Variants in CRACR2A observed in about 807,000 individuals in gnomAD.
The protein encoded by CRACR2A is calcium release activated channel regulator 2A.
Under a neutral mutation model 90.5 loss-of-function variants are expected in CRACR2A, and 79 were observed. That is an observed-to-expected ratio of 0.87 (90% CI 0.73 to 1.05). The LOEUF (loss-of-function observed/expected upper bound fraction) is 1.05. Ranked by LOEUF, CRACR2A falls within the 50% of genes least tolerant of loss-of-function variation. The probability of loss-of-function intolerance (pLI) is 0.00; values close to 1 mark genes in which losing one functional copy is unlikely to be tolerated. For synonymous variants in CRACR2A, 338 were observed against 356.7 expected, an observed-to-expected ratio of 0.95 and a Z score of 0.59; for missense variants, 823 against 897.2, an observed-to-expected ratio of 0.92 and a Z score of 1.06.
At chr12:3,622,906 GAAAAAAA>G (rs200573994) in intron 17 of CRACR2A, among the ~76,000 whole-genome samples, 1 of 151,308 alleles carries the variant, frequency 6.6e-6, no homozygotes, top group Non-Finnish European at 1.5e-5. Context: ...GGAACGTGGA[GAAAAAAA>G]AATCAAACTG....
intron 1 of CRACR2A, among the ~76,000 whole-genome samples, chr12:3,741,841 A>C (rs1565509841): frequency 6.6e-6 from 1 of 152,232 alleles, no homozygotes; most frequent in Non-Finnish European, 1.5e-5. Context: ...CCACAAAAAG[A>C]AAACACATCC....
intron 2 of CRACR2A, chr12:3,727,461 G>A (rs1946289824): frequency 6.6e-6 from 1 of 152,210 alleles, no homozygotes. Context: ...GCTGGATGAA[G>A]TCTCAGATTT....
intron 4 of CRACR2A, among the ~76,000 whole-genome samples, chr12:3,682,301 C>T (rs894436317): frequency 2.0e-5 from 3 of 152,168 alleles, no homozygotes; most frequent in African/African-American, 7.2e-5. Context: ...CAGAGATCAA[C>T]GGGACCCTCA....
rs1380104871 is a variant in CRACR2A at position 3,656,246 on chromosome 12, G to A, written c.858+65C>T. The A allele has an allele frequency of 1.1e-5, 17 of 1,504,464 alleles. No homozygotes were observed. In the East Asian group the frequency reaches 3.8e-4, roughly 34 times the overall value. 93.2% of individuals were successfully genotyped at this position (1,504,464 alleles called of 1,614,324 possible). On this transcript the variant is annotated intron_variant, in intron 9 of 19. Transcript: ENST00000440314. ...CTTAAGTGAATGGCAGGGAAAGTGG[G>A]CAAGAGGCAGAGAAAAGGAGAGAGT...
intron 1 of CRACR2A, among the ~76,000 whole-genome samples, chr12:3,736,055 G>T (rs1451912226): frequency 6.6e-6 from 1 of 152,064 alleles, no homozygotes; most frequent in Admixed American, 6.6e-5. Context: ...AGGGAGAAAG[G>T]TATGGGGTGA....
chr12:3,621,097 G>A lies in CRACR2A; in HGVS notation c.1933-1725C>T, dbSNP rs141790825. ...CTTGCTGTTTAGAGCACATGGGAGA[G>A]AGATATTTGTAGATTTATGTGTGAG... On this transcript the variant is annotated intron_variant, in intron 17 of 19. Transcript: ENST00000440314. Among the ~76,000 whole-genome samples the A allele has an allele frequency of 2.5e-3, 382 of 152,362 alleles. 2 individuals carry two copies. The highest frequency in any genetic ancestry group is 0.016 in the South Asian group (76 of 4,830).
intron 9 of CRACR2A, among the ~76,000 whole-genome samples, chr12:3,655,211 A>G (rs1051102494): frequency 6.6e-6 from 1 of 152,238 alleles, no homozygotes; most frequent in Non-Finnish European, 1.5e-5. Flanking sequence ...AGCATGCAGT[A>G]ATTAAATCGA....
intron 11 of CRACR2A, chr12:3,648,340 G>A (rs1944727981): frequency 6.8e-7 from 1 of 1,479,398 alleles, no homozygotes; most frequent in Non-Finnish European, 8.9e-7. Flanking sequence ...AACTGGATGT[G>A]GGCGCATGTG....
intron 3 of CRACR2A, among the ~76,000 whole-genome samples, chr12:3,712,116 C>T (rs1047474252): frequency 4.6e-5 from 7 of 152,118 alleles, no homozygotes; most frequent in Admixed American, 3.9e-4. Context: ...TGTCTCAACC[C>T]CATCTGTCAA....
At chr12:3,729,300 C>T (rs1425485302) in intron 2 of CRACR2A, 1 of 152,228 alleles carries the variant, frequency 6.6e-6, no homozygotes, top group East Asian at 1.9e-4. Flanking sequence ...ATGTAGCCAT[C>T]TGGCCCATTT....
intron 1 of CRACR2A, among the ~76,000 whole-genome samples, chr12:3,739,002 T>C (rs1946486343): frequency 6.6e-6 from 1 of 151,592 alleles, no homozygotes; most frequent in South Asian, 2.1e-4. Context: ...AAAGATATCC[T>C]TTAAGAACAA....
intron 2 of CRACR2A, among the ~76,000 whole-genome samples, chr12:3,714,073 T>A (rs1402308747): frequency 6.6e-6 from 1 of 152,210 alleles, no homozygotes; most frequent in East Asian, 1.9e-4. Flanking sequence ...AGTCCAGATG[T>A]ATATCACCAA....
At chr12:3,745,820 TA>T (rs111237565) in intron 1 of CRACR2A, among the ~76,000 whole-genome samples, 1,478 of 11,244 alleles carry the variant, frequency 0.13, 37 homozygotes, top group African/African-American at 0.25. Context: ...TAAAATAAAA[TA>T]AAATAAAGAA....
At chr12:3,652,755 C>G (rs907438032) in intron 10 of CRACR2A, among the ~76,000 whole-genome samples, 1 of 151,052 alleles carries the variant, frequency 6.6e-6, no homozygotes, top group Non-Finnish European at 1.5e-5. Flanking sequence ...CTTTCAGGAT[C>G]AGACACACAA....
intron 1 of CRACR2A, among the ~76,000 whole-genome samples, chr12:3,744,125 C>G (rs955654713): frequency 5.3e-5 from 8 of 152,204 alleles, no homozygotes; most frequent in Admixed American, 5.2e-4. Flanking sequence ...CAAACCCCTG[C>G]TAGCCAGAGA....
At chr12:3,685,496 G>C (rs1258726460) in intron 4 of CRACR2A, among the ~76,000 whole-genome samples, 1 of 152,196 alleles carries the variant, frequency 6.6e-6, no homozygotes, top group Non-Finnish European at 1.5e-5. Context: ...AGTATCTACT[G>C]ACAAAGGAAT....
rs200515563 is a variant in CRACR2A, at chr12:3,673,445, C to G, written c.671+1G>C. The G allele has an allele frequency of 4.3e-6, 7 of 1,610,036 alleles. No homozygotes were observed. In the South Asian group the frequency reaches 7.8e-5, roughly 18 times the overall value. ...AAAGCGGCTGACACTGGGGTACCCA[C>G]CTTTTTAGGGCACACTCCAGTTCAT... On this transcript the variant is annotated splice_donor_variant, in intron 7 of 19. Transcript: ENST00000440314. LOFTEE classifies it high-confidence loss of function.
chr12:3,644,841 G>A (rs2137404747), intron 11 of CRACR2A, among the ~76,000 whole-genome samples: 1 of 152,306 alleles, frequency 6.6e-6, no homozygotes, highest in Non-Finnish European at 1.5e-5. Context: ...AGATGTGGGG[G>A]ATAGACTGAA....
At chr12:3,742,443 G>C (rs1255147151) in intron 1 of CRACR2A, among the ~76,000 whole-genome samples, 1 of 152,140 alleles carries the variant, frequency 6.6e-6, no homozygotes, top group African/African-American at 2.4e-5. Context: ...CAGAGCACAT[G>C]CAGAGGCGGG....
Sources: gnomAD v4.1 joint callset for allele counts (sites outside exome capture counted in the v4.1 genomes callset) on GRCh38, gnomAD v4.1.1 for gene constraint, MANE v1.5 for transcripts, NCBI Gene and HGNC (gene_info 2026-07-23, HGNC 2026-07-21) for gene names.